The following CRACDL variants were observed in gnomAD, a reference collection of about 807,000 sequenced individuals.
CRACDL encodes the protein CRACD-like protein.
Under a neutral mutation model 70.6 loss-of-function variants are expected in CRACDL, and 26 were observed. That is an observed-to-expected ratio of 0.37 (90% CI 0.27 to 0.51). The LOEUF (loss-of-function observed/expected upper bound fraction) is 0.51. Ranked by LOEUF, CRACDL falls within the 20% of genes least tolerant of loss-of-function variation. CRACDL has a pLI of 0.94. For missense variants in CRACDL, 1,283 were observed against 1,376.9 expected (o/e 0.93, Z 1.08); for synonymous variants, 618 against 615.2 (o/e 1.00, Z -0.07).
intron 1 of CRACDL, among the ~76,000 whole-genome samples, chr2:98,866,380 C>T (rs187643960): frequency 6.6e-6 from 1 of 150,678 alleles, no homozygotes; most frequent in Non-Finnish European, 1.5e-5. Context: ...CATGGTAGTG[C>T]TCAATAAATA....
intron 1 of CRACDL, among the ~76,000 whole-genome samples, chr2:98,927,246 G>C (rs1024190146): frequency 3.3e-5 from 5 of 152,216 alleles, no homozygotes; most frequent in African/African-American, 4.8e-5. Flanking sequence ...TGGACGGTGG[G>C]AGGTGTGTGG....
At chr2:98,865,582 A>G (rs1050523189) in intron 1 of CRACDL, among the ~76,000 whole-genome samples, 1 of 152,082 alleles carries the variant, frequency 6.6e-6, no homozygotes, top group African/African-American at 2.4e-5. Context: ...TTTTAGAAAA[A>G]TAAGTTTCAC....
intron 7 of CRACDL, among the ~76,000 whole-genome samples, chr2:98,811,490 C>T (rs1311991829): frequency 7.0e-6 from 1 of 142,600 alleles, no homozygotes; most frequent in Non-Finnish European, 1.5e-5. Flanking sequence ...AGCACTCCAG[C>T]CTGGTGACAG....
chr2:98,797,580 C>T (rs1225852593), intron 7 of CRACDL, 43 bp from the exon 8 acceptor site: 1 of 1,585,378 alleles, frequency 6.3e-7, no homozygotes, highest in South Asian at 1.1e-5. Context: ...GTCCTATTCC[C>T]TCTTCGGTTG....
At chr2:98,935,818 G>C (rs1033750994) in intron 1 of CRACDL, 120 bp downstream of exon 1, 1 of 152,150 alleles carries the variant, frequency 6.6e-6, no homozygotes, top group Non-Finnish European at 1.5e-5. Flanking sequence ...CTGGCTTCAC[G>C]GCCTCTGCCC....
intron 1 of CRACDL, among the ~76,000 whole-genome samples, chr2:98,931,589 C>T (rs911459322): frequency 6.6e-6 from 1 of 152,170 alleles, no homozygotes; most frequent in Non-Finnish European, 1.5e-5. Context: ...GGAAGTTCTT[C>T]AGCTACACAC....
chr2:98,824,232 T>C (rs1705213850), intron 6 of CRACDL, among the ~76,000 whole-genome samples: 1 of 152,018 alleles, frequency 6.6e-6, no homozygotes. Flanking sequence ...AACCAAGCCC[T>C]CAACACTGTG....
chr2:98,886,992 C>A (rs78011077), intron 1 of CRACDL, among the ~76,000 whole-genome samples: 1 of 152,110 alleles, frequency 6.6e-6, no homozygotes, highest in East Asian at 1.9e-4. Flanking sequence ...GAGAATGATG[C>A]CTCATCAAAT....
chr2:98,890,064 T>C (rs935275812), intron 1 of CRACDL, among the ~76,000 whole-genome samples: 34 of 151,798 alleles, frequency 2.2e-4, no homozygotes, highest in African/African-American at 7.5e-4. Context: ...AGAAGAAAAG[T>C]CTCAAATCAA....
chr2:98,906,337 C>G (rs1417533230), intron 1 of CRACDL, among the ~76,000 whole-genome samples: 1 of 151,136 alleles, frequency 6.6e-6, no homozygotes, highest in Non-Finnish European at 1.5e-5. Flanking sequence ...TCTTGGCTCA[C>G]TGCAACCTCC....
At chr2:98,799,961 C>T (rs755278941) in intron 7 of CRACDL, among the ~76,000 whole-genome samples, 1 of 152,180 alleles carries the variant, frequency 6.6e-6, no homozygotes, top group Admixed American at 6.5e-5. Context: ...CAGCCGTCAT[C>T]GCTTCCTCCC....
chr2:98,904,361 A>T (rs1003223016), intron 1 of CRACDL, among the ~76,000 whole-genome samples: 18 of 152,230 alleles, frequency 1.2e-4, no homozygotes, highest in African/African-American at 4.3e-4. Flanking sequence ...CATTCAGCAC[A>T]GGAAGTCTCT....
In CRACDL at chr2:98,823,654, C is replaced by T. The variant is rs1157654898; in HGVS notation, c.736-117G>A. On this transcript the variant is annotated intron_variant, in intron 6 of 9. Coordinates refer to ENST00000397899, the MANE Select transcript of CRACDL (RefSeq NM_207362.3). This position sits in a 1 kb window ranked among gnomAD's most constrained non-coding sequence, Gnocchi z 4.0. ...AGTGATAGCAGCACTATAAAGCTGG[C>T]ACTTAAGTAGGCATGTACCCACGGG... 7.7e-7 allele frequency: 1 copy of T among 1,302,586 alleles called. No homozygotes were observed. The highest frequency in any genetic ancestry group is 1.5e-5 in the African/African-American group (1 of 67,798). 80.7% of individuals were successfully genotyped at this position (1,302,586 alleles called of 1,614,324 possible).
intron 1 of CRACDL, among the ~76,000 whole-genome samples, chr2:98,919,219 G>C (rs778024269): frequency 2.6e-5 from 4 of 152,084 alleles, no homozygotes; most frequent in Non-Finnish European, 5.9e-5. Context: ...ATGCTGTTTT[G>C]GTTACTTTAG....
At chr2:98,919,231 C>G (rs1410469873) in intron 1 of CRACDL, among the ~76,000 whole-genome samples, 2 of 152,102 alleles carry the variant, frequency 1.3e-5, no homozygotes, top group African/African-American at 4.8e-5. Context: ...TTACTTTAGC[C>G]TTTTAGTATA....
intron 1 of CRACDL, among the ~76,000 whole-genome samples, chr2:98,933,743 G>C: frequency 6.6e-6 from 1 of 152,168 alleles, no homozygotes; most frequent in East Asian, 1.9e-4. Context: ...CCTCCTGGAG[G>C]CCTGGTACCT....
chr2:98,858,908 T>G (rs1450408000), intron 1 of CRACDL, among the ~76,000 whole-genome samples: 3 of 152,190 alleles, frequency 2.0e-5, no homozygotes, highest in Admixed American at 6.5e-5. Context: ...GACAAATTCC[T>G]AGAAAGACAC....
chr2:98,863,234 T>C (rs918229946), intron 1 of CRACDL, among the ~76,000 whole-genome samples: 1 of 152,114 alleles, frequency 6.6e-6, no homozygotes, highest in Admixed American at 6.5e-5. Flanking sequence ...AGCCAGAAGG[T>C]AGTAGGCTGA....
chr2:98,831,107 T>C (rs1251434719), intron 5 of CRACDL, among the ~76,000 whole-genome samples: 3 of 152,202 alleles, frequency 2.0e-5, no homozygotes, highest in Admixed American at 2.0e-4. Flanking sequence ...CCCATCCTCC[T>C]CATCCTTTCT....
Sources: allele counts gnomAD v4.1 joint callset (sites outside exome capture counted in the v4.1 genomes callset), GRCh38; gene constraint gnomAD v4.1.1; non-coding constraint Gnocchi (gnomAD v3.1); transcripts MANE v1.5; gene names NCBI Gene and HGNC (gene_info 2026-07-23, HGNC 2026-07-21).